Variants in DOCK9 observed in about 807,000 individuals in gnomAD.
DOCK9 encodes the protein dedicator of cytokinesis 9.
A neutral mutation model predicts 263.3 loss-of-function variants in DOCK9; 89 were observed. That is an observed-to-expected ratio of 0.34 (90% CI 0.28 to 0.40). The LOEUF (loss-of-function observed/expected upper bound fraction) is 0.40, where lower values mean the gene tolerates loss of function less well. Ranked by LOEUF, DOCK9 falls within the 10% of genes least tolerant of loss-of-function variation. The pLI is 1.00. For missense variants in DOCK9, 2,140 were observed against 2,603.4 expected (o/e 0.82, Z 3.87); for synonymous variants, 976 against 973.1 (o/e 1.00, Z -0.06).
At chr13:99,072,166 C>T (rs979095772) in intron 1 of DOCK9, among the ~76,000 whole-genome samples, 4 of 152,222 alleles carry the variant, frequency 2.6e-5, no homozygotes, top group African/African-American at 9.6e-5. Flanking sequence ...GACTTGATGG[C>T]TTTCACTGCT....
intron 34 of DOCK9, among the ~76,000 whole-genome samples, chr13:98,855,261 G>A (rs2093678112): frequency 6.6e-6 from 1 of 152,148 alleles, no homozygotes; most frequent in Admixed American, 6.5e-5. Flanking sequence ...TGTTGATGAT[G>A]GTGTCTCTGG....
At chr13:98,850,146 A>G (rs2093519426) in intron 35 of DOCK9, 33 bp from the exon 36 acceptor site, 3 of 1,350,464 alleles carry the variant, frequency 2.2e-6, no homozygotes, top group Non-Finnish European at 1.0e-6. Flanking sequence ...GAATCACAAT[A>G]CATATGATAT....
At position 98,885,002 on chromosome 13, in the gene DOCK9, T is replaced by C; in HGVS notation, c.2351A>G (p.Tyr784Cys). Residue 784 changes from tyrosine (Y) to cysteine (C), a missense_variant, in exon 21 of 53, where the codon TAT (tyrosine) becomes TGT (cysteine). Tyr to Cys is a radical substitution (Grantham distance 194, BLOSUM62 -2). This residue lies in a region of DOCK9 where 1,521 missense variants were observed against 1,741.7 expected (regional missense o/e 0.87). Coordinates refer to ENST00000682017, the MANE Select transcript of DOCK9 (RefSeq NM_001366683.2). The part of the protein sequence containing the change: ...IPVSANLPSG[Y>C]LGYQELGMGR... ...CATCCCAAGCTCCTGGTAGCCAAGA[T>C]AGCCCGAAGGAAGGTTCGCCGAGAC... is the stretch of plus-strand genomic sequence containing the variant. The C allele has an allele frequency of 6.2e-7, 1 of 1,613,728 alleles. No individual in the cohort carries two copies. Among genetic ancestry groups the C allele is most frequent in the Non-Finnish European group, 8.5e-7 (1 of 1,179,780 alleles).
intron 37 of DOCK9, chr13:98,846,522 A>T: frequency 7.4e-7 from 1 of 1,352,002 alleles, no homozygotes; most frequent in South Asian, 1.1e-5. Flanking sequence ...ATTCTTACCC[A>T]AGCAGGAAGG....
chr13:99,042,627 G>A (rs562910355), intron 1 of DOCK9, among the ~76,000 whole-genome samples: 246 of 152,298 alleles, frequency 1.6e-3, no homozygotes, highest in African/African-American at 5.6e-3. Flanking sequence ...GAAGGAACGT[G>A]AAAATATTTT....
intron 1 of DOCK9, among the ~76,000 whole-genome samples, chr13:99,009,235 T>C (rs1363444740): frequency 6.6e-6 from 1 of 152,184 alleles, no homozygotes; most frequent in Non-Finnish European, 1.5e-5. Flanking sequence ...GCAGCCACAA[T>C]AGAGCAGGGC....
At chr13:98,902,848 A>T in intron 11 of DOCK9, 124 bp downstream of exon 11, 1 of 984,676 alleles carries the variant, frequency 1.0e-6, no homozygotes, top group Non-Finnish European at 1.4e-6. Flanking sequence ...CCATATCCTG[A>T]TCCAAACACT....
At chr13:99,029,358 C>T (rs1412517989) in intron 1 of DOCK9, among the ~76,000 whole-genome samples, 3 of 152,184 alleles carry the variant, frequency 2.0e-5, no homozygotes, top group Admixed American at 6.5e-5. Flanking sequence ...ACTACCTCTA[C>T]AATATCTTAG....
chr13:99,041,820 C>T (rs532331821), intron 1 of DOCK9, among the ~76,000 whole-genome samples: 1 of 152,202 alleles, frequency 6.6e-6, no homozygotes, highest in Admixed American at 6.5e-5. Flanking sequence ...AAGACACAGA[C>T]GCAGAGAAGG....
At chr13:98,998,510 T>A (rs1468440506) in intron 1 of DOCK9, among the ~76,000 whole-genome samples, 1 of 152,158 alleles carries the variant, frequency 6.6e-6, no homozygotes, top group South Asian at 2.1e-4. Flanking sequence ...CACACCAAGC[T>A]TCCAAAACCC....
At chr13:98,895,145 G>A (rs1368737687) in intron 15 of DOCK9, among the ~76,000 whole-genome samples, 5 of 44,454 alleles carry the variant, frequency 1.1e-4, no homozygotes, top group Non-Finnish European at 2.3e-4. Flanking sequence ...ACTCCATCTC[G>A]GAAAAAAAAA....
chr13:99,055,426 C>T (rs1050772873), intron 1 of DOCK9, among the ~76,000 whole-genome samples: 2 of 152,140 alleles, frequency 1.3e-5, no homozygotes, highest in African/African-American at 2.4e-5. Context: ...GGAACGTCTG[C>T]GTTGGCTGGG....
rs1264688348 is a variant in DOCK9 at position 98,862,942 on chromosome 13, CA to C, written c.3579+76del. 4.7e-6 allele frequency: 6 copies of C among 1,279,882 alleles called. No homozygotes were observed. The East Asian group carries it at 1.5e-4, about 32-fold the overall frequency. The allele number at this position is 1,279,882 out of a possible 1,614,324, so 79.3% of individuals were successfully genotyped here. A position where few individuals can be genotyped will look rare whatever the true frequency, so the allele number is the denominator to read the frequency against. ...AGAATAAACTGCTGCTGCTCTAAGC[CA>C]CCCAGCTTATGGCGCTTTGTCCTGG... On this transcript the variant is annotated intron_variant, in intron 32 of 52. Coordinates refer to ENST00000682017, the MANE Select transcript of DOCK9 (RefSeq NM_001366683.2).
chr13:98,819,101 G>T (rs1261867392), intron 45 of DOCK9, among the ~76,000 whole-genome samples: 1 of 152,150 alleles, frequency 6.6e-6, no homozygotes, highest in East Asian at 1.9e-4. Flanking sequence ...AGGTACAGTT[G>T]AGGACCACTT....
intron 2 of DOCK9, among the ~76,000 whole-genome samples, chr13:98,932,861 C>T (rs554801692): frequency 6.6e-6 from 1 of 152,140 alleles, no homozygotes; most frequent in Non-Finnish European, 1.5e-5. Flanking sequence ...CTCCTAGGTC[C>T]TGACTTCTTT....
At chr13:98,820,956 G>A (rs2092235058) in intron 45 of DOCK9, among the ~76,000 whole-genome samples, 1 of 152,226 alleles carries the variant, frequency 6.6e-6, no homozygotes, top group Admixed American at 6.5e-5. Flanking sequence ...GAAGCAGAGT[G>A]TTGCCTGGTT....
intron 27 of DOCK9, among the ~76,000 whole-genome samples, chr13:98,869,549 A>G (rs1336591540): frequency 6.6e-6 from 1 of 152,232 alleles, no homozygotes; most frequent in Admixed American, 6.5e-5. Flanking sequence ...TGATCCATTC[A>G]TGCATTTAAT....
chr13:99,019,052 AC>A (rs1885758167), intron 1 of DOCK9, among the ~76,000 whole-genome samples: 1 of 152,200 alleles, frequency 6.6e-6, no homozygotes, highest in African/African-American at 2.4e-5. Flanking sequence ...TCATTCAATC[AC>A]AGGCAGGAAC....
intron 1 of DOCK9, among the ~76,000 whole-genome samples, chr13:98,999,316 A>ACACACACACACTCTCTCTCTCTCTCTCT: frequency 7.2e-6 from 1 of 138,370 alleles, no homozygotes; most frequent in African/African-American, 2.8e-5. Context: ...ACACACACAC[A>ACACACACACACTCTCTCTCTCTCTCTCT]CTCTCTCTCT....
Sources: allele counts gnomAD v4.1 joint callset (sites outside exome capture counted in the v4.1 genomes callset), GRCh38; gene constraint gnomAD v4.1.1; regional missense constraint gnomAD v4.1.1; transcripts MANE v1.5; gene names NCBI Gene and HGNC (gene_info 2026-07-23, HGNC 2026-07-21).